SLC25A53: variants seen among roughly 807,000 people sequenced by gnomAD.
SLC25A53 encodes solute carrier family 25 member 53, also known as mitochondrial carrier triple repeat protein 6.
SLC25A53 carries 5 observed loss-of-function variants against 15.0 expected under a neutral mutation model. The ratio of observed to expected loss-of-function variants is 0.33; its 90% CI spans 0.17 to 0.70. SLC25A53 has a LOEUF of 0.70. Ranked by LOEUF, SLC25A53 falls within the 30% of genes least tolerant of loss-of-function variation. SLC25A53 has a pLI of 0.67. For synonymous variants in SLC25A53, 95 were observed against 100.0 expected, an observed-to-expected ratio of 0.95 and a Z score of 0.30; for missense variants, 216 against 241.6, an observed-to-expected ratio of 0.89 and a Z score of 0.70.
intron 1 of SLC25A53, among the ~76,000 whole-genome samples, chrX:104,111,416 G>T (rs782137032): frequency 9.0e-6 from 1 of 111,093 alleles, no homozygotes; most frequent in Non-Finnish European, 1.9e-5. Flanking sequence ...CTCTGAGCCT[G>T]GCCTCTTTGG....
At chrX:104,114,504 T>C (rs782422879) in intron 1 of SLC25A53, 2 of 1,209,663 alleles carry the variant, frequency 1.7e-6, no homozygotes, top group Non-Finnish European at 1.1e-6. Flanking sequence ...TGACTGCCCA[T>C]GGTAAATTTT....
chrX:104,109,485 G>C (rs1291555413), intron 1 of SLC25A53, among the ~76,000 whole-genome samples: 1 of 112,505 alleles, frequency 8.9e-6, no homozygotes, highest in Non-Finnish European at 1.9e-5. Context: ...TGCTTCATAA[G>C]TTATATTAGC....
At position 104,099,916 on chromosome X, in the gene SLC25A53, T is replaced by A. The variant is rs1336474038; in HGVS notation, c.*4418A>T. The A allele has an allele frequency of 9.0e-6, 1 of 111,374 alleles. No homozygotes were observed. Among genetic ancestry groups the A allele is most frequent in the African/African-American group, 3.3e-5 (1 of 30,534 alleles). 9.2% of individuals were successfully genotyped at this position (111,374 alleles called of 1,213,427 possible). A position where few individuals can be genotyped will look rare whatever the true frequency, so the allele number is the denominator to read the frequency against. On this transcript the variant is annotated 3_prime_UTR_variant, in exon 2 of 2. Transcript: ENST00000594199. ...AAGTAGGGTCACTAGTTGGAAATGA[T>A]GAGGGAGGGAGTATTAAAAGATTTG... is the stretch of plus-strand genomic sequence containing the variant.
chrX:104,114,821 C>T (rs1556360704), intron 1 of SLC25A53: 1 of 1,210,357 alleles, frequency 8.3e-7, no homozygotes, highest in Admixed American at 2.2e-5. Context: ...AGGTCTGAGC[C>T]AATAATGGAG....
At chrX:104,146,243 C>A (rs2075466310) in intron 1 of SLC25A53, among the ~76,000 whole-genome samples, 1 of 111,944 alleles carries the variant, frequency 8.9e-6, no homozygotes, top group Non-Finnish European at 1.9e-5. Flanking sequence ...AGGCCTTTAA[C>A]AAAATTCAAC....
intron 1 of SLC25A53, among the ~76,000 whole-genome samples, chrX:104,151,111 T>C (rs1387177828): frequency 8.9e-6 from 1 of 111,856 alleles, no homozygotes; most frequent in Non-Finnish European, 1.9e-5. Flanking sequence ...GTTATATATA[T>C]ATATCTTAAA....
intron 1 of SLC25A53, among the ~76,000 whole-genome samples, chrX:104,131,567 T>C (rs781911711): frequency 1.1e-4 from 12 of 111,760 alleles, no homozygotes; most frequent in African/African-American, 3.6e-4. Context: ...TTTTTGGAAT[T>C]GGACCCTATT....
chrX:104,124,076 A>C (rs782111406), intron 1 of SLC25A53, among the ~76,000 whole-genome samples: 1 of 111,596 alleles, frequency 9.0e-6, no homozygotes, highest in Admixed American at 9.5e-5. Flanking sequence ...GGGTATATAC[A>C]CAGTAATGGG....
At chrX:104,107,798 G>A in intron 1 of SLC25A53, among the ~76,000 whole-genome samples, 1 of 111,890 alleles carries the variant, frequency 8.9e-6, no homozygotes, top group Non-Finnish European at 1.9e-5. Context: ...AGCAGGTGGG[G>A]TAGTATGAGA....
chrX:104,142,213 C>T (rs1314801485), intron 1 of SLC25A53, among the ~76,000 whole-genome samples: 1 of 111,113 alleles, frequency 9.0e-6, no homozygotes, highest in East Asian at 2.8e-4. Flanking sequence ...TGTTGCACTC[C>T]AACTGTCAAC....
At chrX:104,132,123 A>G (rs1556365586) in intron 1 of SLC25A53, among the ~76,000 whole-genome samples, 2 of 112,687 alleles carry the variant, frequency 1.8e-5, no homozygotes, top group Non-Finnish European at 3.7e-5. Context: ...TGGGGGTCTC[A>G]GTTCATCATT....
At chrX:104,145,296 G>T (rs1369042512) in intron 1 of SLC25A53, among the ~76,000 whole-genome samples, 2 of 111,899 alleles carry the variant, frequency 1.8e-5, no homozygotes, top group Admixed American at 1.9e-4. Flanking sequence ...AGAATCTCTG[G>T]GACACATTTA....
At position 104,145,525 on chromosome X, in the gene SLC25A53, G is replaced by A. The variant is rs150707057; in HGVS notation, c.-32+11353C>T. Among the ~76,000 whole-genome samples, 1,389 of 111,539 alleles carry A rather than the reference G, an allele frequency of 0.012. 54 individuals carry two copies. In the East Asian group the frequency reaches 0.13, roughly 11 times the overall value. ...AAAAAAATCAATGAACCCAGGAGCT[G>A]GTTTTTTGAAAAGATCAACAGAATA... On this transcript the variant is annotated intron_variant, in intron 1 of 1. Coordinates refer to ENST00000594199, the MANE Select transcript of SLC25A53 (RefSeq NM_001012755.5).
chrX:104,104,773 T>C lies in SLC25A53; in HGVS notation c.485A>G (p.Asn162Ser), dbSNP rs2075298696. The C allele has an allele frequency of 8.3e-7, 1 of 1,209,496 alleles. No homozygotes were observed. Among genetic ancestry groups the C allele is most frequent in the Non-Finnish European group, 1.1e-6 (1 of 895,148 alleles). ...CAGCCGCCCCCAAAGCCCATAAGAA[T>C]TGAATTCCTTGAGAATGCTGAAGGT... ...PSTFSILKEF[N>S]SYGLWGRLSL... Residue 162 changes from asparagine (N) to serine (S), a missense_variant, in exon 2 of 2, where the codon AAT becomes AGT. By Grantham distance (46) the Asn-to-Ser change is conservative. Coordinates refer to ENST00000594199, the MANE Select transcript of SLC25A53 (RefSeq NM_001012755.5).
At chrX:104,114,304 C>T in intron 1 of SLC25A53, 2 of 1,211,219 alleles carry the variant, frequency 1.7e-6, no homozygotes, top group Non-Finnish European at 2.2e-6. Flanking sequence ...TGAAAACTGG[C>T]TGATCCAAGT....
chrX:104,122,300 TTTTG>T (rs2075397186), intron 1 of SLC25A53, among the ~76,000 whole-genome samples: 1 of 94,722 alleles, frequency 1.1e-5, no homozygotes, highest in Non-Finnish European at 2.1e-5. Flanking sequence ...GATTTCTTTT[TTTTG>T]TTTTTTTTTT....
At chrX:104,127,698 T>A (rs1458929563) in intron 1 of SLC25A53, among the ~76,000 whole-genome samples, 1 of 112,186 alleles carries the variant, frequency 8.9e-6, no homozygotes, top group Non-Finnish European at 1.9e-5. Flanking sequence ...GTGTGGTGGC[T>A]CACGCCTGTA....
At position 104,103,285 on chromosome X, in the gene SLC25A53, C is replaced by T. The variant is rs1422376635; in HGVS notation, c.*1049G>A. The T allele has an allele frequency of 4.5e-5, 5 of 111,491 alleles. No homozygotes were observed. The highest frequency in any genetic ancestry group is 1.6e-4 in the African/African-American group (5 of 30,598). The allele number at this position is 111,491 out of a possible 1,213,427, so 9.2% of individuals were successfully genotyped here. A position where few individuals can be genotyped will look rare whatever the true frequency, so the allele number is the denominator to read the frequency against. On this transcript the variant is annotated 3_prime_UTR_variant, in exon 2 of 2. Transcript: ENST00000594199. ...TAGACTGGCATGTGAAGAAGGAGCA[C>T]TGCAGGTGGAAAGAATAGTGTGGGC...
intron 1 of SLC25A53, among the ~76,000 whole-genome samples, chrX:104,144,595 G>T: frequency 9.0e-6 from 1 of 111,692 alleles, no homozygotes; most frequent in Non-Finnish European, 1.9e-5. Flanking sequence ...CATCTTGCTG[G>T]AAATCAGAGT....
Sources: gnomAD v4.1 joint callset for allele counts (sites outside exome capture counted in the v4.1 genomes callset) on GRCh38, gnomAD v4.1.1 for gene constraint, MANE v1.5 for transcripts, NCBI Gene and HGNC (gene_info 2026-07-23, HGNC 2026-07-21) for gene names.